The following VPS13D variants were observed in gnomAD, a reference collection of about 807,000 sequenced individuals.
VPS13D encodes the protein intermembrane lipid transfer protein VPS13D.
A neutral mutation model predicts 461.9 loss-of-function variants in VPS13D; 187 were observed. The ratio of observed to expected loss-of-function variants is 0.40; its 90% CI spans 0.36 to 0.46. The LOEUF is 0.46. Among genes scored for constraint, VPS13D ranks in the 20% least tolerant of loss-of-function variants. The pLI is 0.60. For missense variants in VPS13D, 4,711 were observed against 5,364.9 expected (o/e 0.88, Z 3.81); for synonymous variants, 1,951 against 1,986.3 (o/e 0.98, Z 0.47).
intron 47 of VPS13D, 28 bp downstream of exon 47, chr1:12,354,249 T>A: frequency 6.2e-7 from 1 of 1,608,954 alleles, no homozygotes; most frequent in Non-Finnish European, 8.5e-7. Flanking sequence ...TGATCATTTG[T>A]CATAATCCTA....
intron 67 of VPS13D, among the ~76,000 whole-genome samples, chr1:12,484,353 A>C (rs562057651): frequency 6.6e-6 from 1 of 152,312 alleles, no homozygotes; most frequent in African/African-American, 2.4e-5. Context: ...AAGGATGTAG[A>C]TCTTATCCTC....
chr1:12,457,528 T>C, intron 66 of VPS13D, among the ~76,000 whole-genome samples: 1 of 152,210 alleles, frequency 6.6e-6, no homozygotes, highest in Non-Finnish European at 1.5e-5. Flanking sequence ...ACATAGCTCA[T>C]GCATAGTAAG....
Position 12,415,236 on chromosome 1 carries a change from A to G in VPS13D, c.12165+15A>G, listed in dbSNP as rs375954706. On this transcript the variant is annotated intron_variant, in intron 64 of 69. Coordinates refer to ENST00000620676, the MANE Select transcript of VPS13D (RefSeq NM_015378.4). ...ATTTCCAGGAGGTGAGGCTTGGAGA[A>G]GTAATCATTGGCTGGAGCATAAGCA... 1.2e-6 allele frequency: 2 copies of G among 1,613,862 alleles called. No homozygotes were observed. The highest frequency in any genetic ancestry group is 1.7e-6 in the Non-Finnish European group (2 of 1,179,900).
Position 12,261,104 on chromosome 1 carries a change from C to T in VPS13D, c.1369C>T (p.Leu457=), listed in dbSNP as rs577889109. The change falls in exon 12 of 70, where the codon CTG becomes TTG. Residue 457 remains leucine (L), a synonymous_variant. Transcript: ENST00000620676. ...QTPEGNVVEG[L]SAEQQEQWIP... ...CCCAGAAGGGAATGTGGTTGAGGGACTGTCAGCAGAGCAACAGGAGCAGTG... is the reference window on the plus strand; with the variant it reads ...CCCAGAAGGGAATGTGGTTGAGGGATTGTCAGCAGAGCAACAGGAGCAGTG... 2 of 1,614,164 alleles carry T rather than the reference C, an allele frequency of 1.2e-6. No individual in the cohort carries two copies. The highest frequency in any genetic ancestry group is 1.3e-5 in the African/African-American group (1 of 75,052).
At chr1:12,351,289 A>T (rs982615478) in intron 46 of VPS13D, among the ~76,000 whole-genome samples, 5 of 152,062 alleles carry the variant, frequency 3.3e-5, no homozygotes, top group South Asian at 2.1e-4. Flanking sequence ...ATTATTAAAA[A>T]TTTTTTCTTG....
At position 12,391,565 on chromosome 1, in the gene VPS13D, A is replaced by G. The variant is rs115431511; in HGVS notation, c.11634+5231A>G. Among the ~76,000 whole-genome samples the G allele has an allele frequency of 9.8e-3, 1,492 of 152,292 alleles. 26 individuals are homozygous for G. The highest frequency in any genetic ancestry group is 0.033 in the African/African-American group (1,363 of 41,560). ...TTATGGCTAGATGGGTGGGTCAGAA[A>G]GCACCCAGTTCAGTTTGCAGGTGTG... On this transcript the variant is annotated intron_variant, in intron 60 of 69. Coordinates refer to ENST00000620676, the MANE Select transcript of VPS13D (RefSeq NM_015378.4).
intron 7 of VPS13D, 59 bp downstream of exon 7, chr1:12,253,885 T>A: frequency 7.2e-7 from 1 of 1,387,274 alleles, no homozygotes; most frequent in Non-Finnish European, 1.0e-6. Flanking sequence ...CGGCGTAGGG[T>A]CACTGCCACG....
At chr1:12,416,547 A>G (rs1023796420) in intron 64 of VPS13D, 113 bp from the exon 65 acceptor site, 2 of 1,104,020 alleles carry the variant, frequency 1.8e-6, no homozygotes, top group African/African-American at 1.6e-5. Context: ...CGTTACTTGT[A>G]GTAATGAGAA....
At chr1:12,336,563 T>C (rs1338344835) in intron 39 of VPS13D, 1 of 152,258 alleles carries the variant, frequency 6.6e-6, no homozygotes, top group Admixed American at 6.5e-5. Flanking sequence ...ACATAGCTCA[T>C]GAATACTTAA....
chr1:12,378,265 T>A (rs563751250), intron 55 of VPS13D, among the ~76,000 whole-genome samples, 163 bp from the exon 56 acceptor site: 42 of 152,358 alleles, frequency 2.8e-4, no homozygotes, highest in African/African-American at 9.6e-4. Context: ...AAAAGATAGA[T>A]AACCATGAAA....
chr1:12,310,423 C>G (rs891023217), intron 27 of VPS13D, among the ~76,000 whole-genome samples: 1 of 152,200 alleles, frequency 6.6e-6, no homozygotes, highest in African/African-American at 2.4e-5. Flanking sequence ...GTAGGATTCA[C>G]AATGCCCAGT....
At chr1:12,379,667 G>T in intron 57 of VPS13D, 71 bp downstream of exon 57, 2 of 1,096,408 alleles carry the variant, frequency 1.8e-6, no homozygotes, top group South Asian at 2.8e-5. Context: ...TCTCTACTAA[G>T]TTATACATGA....
At chr1:12,259,051 T>A (rs977418530) in intron 10 of VPS13D, among the ~76,000 whole-genome samples, 1 of 151,976 alleles carries the variant, frequency 6.6e-6, no homozygotes, top group African/African-American at 2.4e-5. Context: ...TCTTCTTTTT[T>A]TTTTTTGTGT....
chr1:12,242,427 C>T (rs538984002), intron 2 of VPS13D, 86 bp from the exon 3 acceptor site: 9 of 1,235,290 alleles, frequency 7.3e-6, no homozygotes, highest in African/African-American at 6.0e-5. Flanking sequence ...GTAAAACTTT[C>T]CCTTTAACCT....
intron 53 of VPS13D, 35 bp downstream of exon 53, chr1:12,368,626 T>A (rs1557737127): frequency 6.2e-7 from 1 of 1,600,664 alleles, no homozygotes; most frequent in South Asian, 1.1e-5. Context: ...TTTGACTGTT[T>A]CATGTGTGGG....
chr1:12,479,404 C>T (rs1645682741), intron 67 of VPS13D, among the ~76,000 whole-genome samples: 2 of 152,226 alleles, frequency 1.3e-5, no homozygotes, highest in South Asian at 4.1e-4. Context: ...CTGCAATGGA[C>T]AATGCCTCTT....
intron 13 of VPS13D, among the ~76,000 whole-genome samples, chr1:12,262,749 GC>G (rs1482552694): frequency 1.3e-5 from 2 of 151,528 alleles, no homozygotes; most frequent in Non-Finnish European, 2.9e-5. Flanking sequence ...TGTCGCCTAG[GC>G]TGCAGTGCAG....
rs61731862 is a variant in VPS13D at position 12,266,892 on chromosome 1, C to T, written c.1606C>T (p.Leu536=). 2.5e-6 allele frequency: 4 copies of T among 1,592,852 alleles called. No homozygotes were observed. Among genetic ancestry groups the T allele is most frequent in the Non-Finnish European group, 2.6e-6 (3 of 1,172,002 alleles). ...TTTATCTTTTATAGATGTAAAACTT[C>T]TAGCAGAGTCTCTTCCTCGAAGAAA... The part of the protein sequence containing the change: ...MQLEFSDVKL[L]AESLPRRNSS... Residue 536 remains leucine, a synonymous_variant, in exon 14 of 70, where the codon CTA becomes TTA. Transcript: ENST00000620676.
At chr1:12,462,292 C>T (rs1286575082) in intron 67 of VPS13D, among the ~76,000 whole-genome samples, 1 of 152,188 alleles carries the variant, frequency 6.6e-6, no homozygotes, top group African/African-American at 2.4e-5. Flanking sequence ...GGAGTTGAGA[C>T]AGGCTTTTCT....
Sources: allele counts gnomAD v4.1 joint callset (sites outside exome capture counted in the v4.1 genomes callset), GRCh38; gene constraint gnomAD v4.1.1; transcripts MANE v1.5; gene names NCBI Gene and HGNC (gene_info 2026-07-23, HGNC 2026-07-21).